The following RBPJ variants were observed in gnomAD, a reference collection of about 807,000 sequenced individuals.
RBPJ encodes recombining binding protein suppressor of hairless.
Under a neutral mutation model 67.8 loss-of-function variants are expected in RBPJ, and 9 were observed. The observed-to-expected ratio is 0.13, with a 90% CI of 0.08 to 0.23. The LOEUF is 0.23. RBPJ is among the 10% of genes least tolerant of loss of function. RBPJ has a pLI of 1.00. For missense variants in RBPJ, 305 were observed against 595.6 expected (o/e 0.51, Z 5.08); for synonymous variants, 198 against 203.3 (o/e 0.97, Z 0.22).
intron 1 of RBPJ, among the ~76,000 whole-genome samples, chr4:26,379,885 C>T (rs1308838210): frequency 6.6e-6 from 1 of 152,072 alleles, no homozygotes; most frequent in Non-Finnish European, 1.5e-5. Context: ...AAAGAAACAT[C>T]TTATAGGATG....
intron 5 of RBPJ, among the ~76,000 whole-genome samples, chr4:26,422,441 C>T (rs563379675): frequency 9.2e-5 from 14 of 152,270 alleles, no homozygotes; most frequent in Non-Finnish European, 1.5e-4. Flanking sequence ...TTTGCCATAT[C>T]AGCTATTTGC....
intron 1 of RBPJ, among the ~76,000 whole-genome samples, chr4:26,296,963 T>A (rs1298972502): frequency 1.3e-5 from 2 of 152,178 alleles, no homozygotes; most frequent in Non-Finnish European, 2.9e-5. Flanking sequence ...GTGTTGCATA[T>A]CCTGTGTTTA....
chr4:26,400,021 G>A (rs892798688), intron 2 of RBPJ, among the ~76,000 whole-genome samples: 16 of 152,040 alleles, frequency 1.1e-4, no homozygotes, highest in African/African-American at 3.4e-4. Flanking sequence ...AATGAAATTA[G>A]TAAACAATAG....
the RBPJ span, among the ~76,000 whole-genome samples, chr4:26,124,297 T>C: frequency 5.9e-5 from 9 of 151,718 alleles, no homozygotes; most frequent in South Asian, 1.9e-3. Context: ...AGTGAGAACA[T>C]GCAATGCTTG....
rs187541154 is a variant in RBPJ, at chr4:26,426,667, C to T, written c.747+1924C>T. 2.8e-3 allele frequency among the ~76,000 whole-genome samples: 421 copies of T among 152,152 alleles called. 7 individuals are homozygous for T. Among genetic ancestry groups the T allele is most frequent in the Non-Finnish European group, 1.4e-3 (95 of 68,004 alleles). On this transcript the variant is annotated intron_variant, in intron 7 of 10. Coordinates refer to ENST00000355476, the MANE Select transcript of RBPJ (RefSeq NM_015874.6). Reference sequence around the variant, plus strand: ...ATAAAGGGATAGAGAATTGGAGGAGCGCTTAGAGAGGTCAGGGAAGTCTTT... The same window carrying T: ...ATAAAGGGATAGAGAATTGGAGGAGTGCTTAGAGAGGTCAGGGAAGTCTTT...
intron 2 of RBPJ, among the ~76,000 whole-genome samples, chr4:26,398,891 C>T (rs916559575): frequency 4.6e-5 from 7 of 152,144 alleles, no homozygotes; most frequent in Admixed American, 1.3e-4. Context: ...GGATTACAGG[C>T]GGGAGCCACC....
chr4:26,384,666 C>A (rs908328784), intron 1 of RBPJ: 1 of 152,108 alleles, frequency 6.6e-6, no homozygotes, highest in East Asian at 1.9e-4. Context: ...CTATTAAAAT[C>A]GTATTTAGTT....
upstream of RBPJ, among the ~76,000 whole-genome samples, chr4:26,317,731 G>T (rs1722702345): frequency 6.6e-6 from 1 of 152,180 alleles, no homozygotes; most frequent in African/African-American, 2.4e-5. Context: ...CCGTCCAATT[G>T]TATCTTGGGT....
intron 8 of RBPJ, 38 bp downstream of exon 8, chr4:26,428,898 A>AC: frequency 6.5e-7 from 1 of 1,532,268 alleles, no homozygotes; most frequent in Non-Finnish European, 9.0e-7. Flanking sequence ...TAAAATGTAC[A>AC]AACTGTGAGG....
intron 1 of RBPJ, among the ~76,000 whole-genome samples, chr4:26,183,217 A>G (rs1016254628): frequency 2.6e-5 from 4 of 152,208 alleles, no homozygotes; most frequent in African/African-American, 9.7e-5. Flanking sequence ...TCAATGCATT[A>G]CTCATAAACA....
rs1428118497 is a variant in RBPJ at position 26,180,319 on chromosome 4, C to G, written c.-167+16705C>G. Among the ~76,000 whole-genome samples the G allele has an allele frequency of 2.5e-5, 3 of 120,266 alleles. No homozygotes were observed. The Admixed American group carries it at 2.6e-4, about 10-fold the overall frequency. 78.9% of individuals were successfully genotyped at this position (120,266 alleles called of 152,430 possible). A position where few individuals can be genotyped will look rare whatever the true frequency, so the allele number is the denominator to read the frequency against. On this transcript the variant is annotated intron_variant, in intron 1 of 4. Transcript: ENST00000512351. The stretch of plus-strand genomic sequence containing the variant: ...CAAACCGACACATGTACCCTTGAAC[C>G]TAAAATAAAGGTTAAAAAAAAAAAA...
chr4:26,208,524 G>T (rs1398288631), intron 1 of RBPJ, among the ~76,000 whole-genome samples: 1 of 152,184 alleles, frequency 6.6e-6, no homozygotes, highest in Non-Finnish European at 1.5e-5. Context: ...TATATTTCAA[G>T]AGTGATAATG....
At chr4:26,234,684 C>CTTAT (rs56961547) in intron 1 of RBPJ, among the ~76,000 whole-genome samples, 5,390 of 151,542 alleles carry the variant, frequency 0.036, 269 homozygotes, top group African/African-American at 0.11. Context: ...ATCTTATTTT[C>CTTAT]TTATTTATTT....
intron 1 of RBPJ, among the ~76,000 whole-genome samples, chr4:26,385,222 T>C (rs2109627370): frequency 6.6e-6 from 1 of 151,672 alleles, no homozygotes; most frequent in East Asian, 2.0e-4. Flanking sequence ...GGTTTCACCA[T>C]GTTGGCCAGG....
intron 1 of RBPJ, among the ~76,000 whole-genome samples, chr4:26,326,548 T>C (rs1053126920): frequency 1.3e-5 from 2 of 152,164 alleles, no homozygotes; most frequent in African/African-American, 4.8e-5. Flanking sequence ...AAATAATAAG[T>C]TGATAATTTA....
At chr4:26,192,870 G>C (rs533397226) in intron 1 of RBPJ, among the ~76,000 whole-genome samples, 10 of 152,282 alleles carry the variant, frequency 6.6e-5, no homozygotes, top group African/African-American at 2.4e-4. Flanking sequence ...CGTCACCAAA[G>C]GGACTTTGCA....
chr4:26,425,406 G>A lies in RBPJ; in HGVS notation c.747+663G>A, dbSNP rs528334364. 2.3e-4 allele frequency among the ~76,000 whole-genome samples: 35 copies of A among 152,056 alleles called. No homozygotes were observed. In the East Asian group the frequency reaches 5.4e-3, roughly 24 times the overall value. On this transcript the variant is annotated intron_variant, in intron 7 of 10. Coordinates refer to ENST00000355476, the MANE Select transcript of RBPJ (RefSeq NM_015874.6). ...TGGCATCACTTGAGCTCAGGAGTTC[G>A]AGACTAGTCCTGGCAACATGGTCAG...
intron 1 of RBPJ, among the ~76,000 whole-genome samples, chr4:26,275,308 G>A (rs1396614276): frequency 6.6e-6 from 1 of 152,140 alleles, no homozygotes; most frequent in Non-Finnish European, 1.5e-5. Context: ...GATTCAAATC[G>A]CAGCTCTGCC....
At chr4:26,323,534 T>C (rs919913356) in intron 1 of RBPJ, among the ~76,000 whole-genome samples, 1 of 152,222 alleles carries the variant, frequency 6.6e-6, no homozygotes, top group Non-Finnish European at 1.5e-5. Flanking sequence ...GAGTATTAAC[T>C]GTTAAAGCTT....
Sources: gnomAD v4.1 joint callset for allele counts (sites outside exome capture counted in the v4.1 genomes callset) on GRCh38, gnomAD v4.1.1 for gene constraint, MANE v1.5 for transcripts, NCBI Gene and HGNC (gene_info 2026-07-23, HGNC 2026-07-21) for gene names.